SLC14A2: variants seen among roughly 807,000 people sequenced by gnomAD.
The protein encoded by SLC14A2 is solute carrier family 14 member 2.
In SLC14A2, 91 loss-of-function variants were observed where a neutral mutation model predicts 104.6. The observed-to-expected ratio is 0.87, with a 90% confidence interval of 0.73 to 1.04. The LOEUF (loss-of-function observed/expected upper bound fraction) is 1.04, where lower values mean the gene tolerates loss of function less well. Among genes scored for constraint, SLC14A2 ranks in the 50% least tolerant of loss-of-function variants. SLC14A2 has a pLI of 0.00. For missense variants in SLC14A2, 1,189 were observed against 1,156.0 expected, an observed-to-expected ratio of 1.03 and a Z score of -0.41; for synonymous variants, 476 against 466.4, an observed-to-expected ratio of 1.02 and a Z score of -0.27.
intron 2 of SLC14A2, among the ~76,000 whole-genome samples, chr18:45,554,135 A>G (rs1398837503): frequency 6.6e-6 from 1 of 152,214 alleles, no homozygotes; most frequent in East Asian, 1.9e-4. Context: ...TGGTAGAAGA[A>G]TTTGCAGGGT....
At chr18:45,339,385 T>C (rs532099644) in intron 1 of SLC14A2, among the ~76,000 whole-genome samples, 68 of 152,350 alleles carry the variant, frequency 4.5e-4, no homozygotes, top group African/African-American at 1.5e-3. Flanking sequence ...ACAAAGCCAC[T>C]GGTCATAACG....
intron 2 of SLC14A2, among the ~76,000 whole-genome samples, chr18:45,599,353 T>C (rs1163473526): frequency 1.3e-5 from 2 of 152,242 alleles, no homozygotes; most frequent in African/African-American, 4.8e-5. Flanking sequence ...TCACAGCGGA[T>C]GTGGCCATAT....
chr18:45,612,251 G>C (rs1490661931), upstream of SLC14A2, among the ~76,000 whole-genome samples: 1 of 152,220 alleles, frequency 6.6e-6, no homozygotes, highest in East Asian at 1.9e-4. Flanking sequence ...GTGGGAAAGA[G>C]CAAGGATGGC....
chr18:45,276,341 A>T (rs113337539), intron 1 of SLC14A2, among the ~76,000 whole-genome samples: 1 of 152,266 alleles, frequency 6.6e-6, no homozygotes, highest in Non-Finnish European at 1.5e-5. Context: ...TTACTATAAC[A>T]GAGGTGTGTA....
the SLC14A2 span, among the ~76,000 whole-genome samples, chr18:45,185,503 T>C: frequency 3.9e-5 from 6 of 152,194 alleles, 2 homozygotes; most frequent in South Asian, 1.0e-3. Flanking sequence ...CTCAGTCTGA[T>C]GAAAGGCATC....
Position 45,627,743 on chromosome 18 carries a change from T to C in SLC14A2, c.521+596T>C, listed in dbSNP as rs543262749. 3.7e-4 allele frequency among the ~76,000 whole-genome samples: 57 copies of C among 152,178 alleles called. 1 individual carries two copies. The highest frequency in any genetic ancestry group is 1.7e-3 in the East Asian group (9 of 5,168). The stretch of plus-strand genomic sequence containing the variant: ...AATAACAAGGGCCAGGCACGGTGGC[T>C]CACGCCTACAATCTCAGCACTTTGG... On this transcript the variant is annotated intron_variant, in intron 4 of 19. Coordinates refer to ENST00000255226, the MANE Select transcript of SLC14A2 (RefSeq NM_007163.4).
intron 2 of SLC14A2, among the ~76,000 whole-genome samples, chr18:45,593,887 C>T (rs1033313060): frequency 2.0e-5 from 3 of 152,128 alleles, no homozygotes; most frequent in African/African-American, 7.2e-5. Flanking sequence ...AAAAAATATA[C>T]AATACAACTC....
chr18:45,533,545 T>G (rs1338362661), intron 2 of SLC14A2, among the ~76,000 whole-genome samples: 2 of 152,210 alleles, frequency 1.3e-5, no homozygotes, highest in Non-Finnish European at 2.9e-5. Context: ...GGTGGTGATA[T>G]CCCCTTTGTC....
At chr18:45,635,866 A>C (rs2045409731) in intron 5 of SLC14A2, among the ~76,000 whole-genome samples, 1 of 152,266 alleles carries the variant, frequency 6.6e-6, no homozygotes, top group Non-Finnish European at 1.5e-5. Context: ...TTAGATCCAA[A>C]GAACAGGGAA....
chr18:45,239,060 G>C (rs2084284750), intron 1 of SLC14A2, among the ~76,000 whole-genome samples: 1 of 152,174 alleles, frequency 6.6e-6, no homozygotes, highest in South Asian at 2.1e-4. Context: ...TGCATATGTT[G>C]AAAGAAAGTT....
chr18:45,255,415 C>T (rs1299030772), intron 1 of SLC14A2, among the ~76,000 whole-genome samples: 3 of 152,186 alleles, frequency 2.0e-5, no homozygotes, highest in Non-Finnish European at 2.9e-5. Flanking sequence ...AAAGGGAGAG[C>T]GCATTTGTGT....
At chr18:45,294,548 A>G (rs1225287177) in intron 1 of SLC14A2, among the ~76,000 whole-genome samples, 1 of 152,258 alleles carries the variant, frequency 6.6e-6, no homozygotes, top group Non-Finnish European at 1.5e-5. Context: ...TGTATAAAAG[A>G]TAACTAATAT....
At chr18:45,620,547 A>C (rs1482304077) in intron 1 of SLC14A2, among the ~76,000 whole-genome samples, 1 of 152,216 alleles carries the variant, frequency 6.6e-6, no homozygotes, top group Non-Finnish European at 1.5e-5. Context: ...ATAATAATAA[A>C]GGGATTTTTA....
At chr18:45,665,233 G>C (rs1599146305) in intron 11 of SLC14A2, among the ~76,000 whole-genome samples, 1 of 152,154 alleles carries the variant, frequency 6.6e-6, no homozygotes, top group South Asian at 2.1e-4. Flanking sequence ...CGGGGGAACA[G>C]GCAATTCAGT....
chr18:45,343,283 A>G (rs1048044623), intron 1 of SLC14A2, among the ~76,000 whole-genome samples: 1 of 152,014 alleles, frequency 6.6e-6, no homozygotes. Flanking sequence ...TGAGTCCCAC[A>G]GAGGAGATGT....
intron 1 of SLC14A2, among the ~76,000 whole-genome samples, chr18:45,310,654 G>A (rs1445839413): frequency 6.6e-6 from 1 of 152,250 alleles, no homozygotes; most frequent in Admixed American, 6.5e-5. Flanking sequence ...GACAGAAAAA[G>A]TGGGTTTACA....
In SLC14A2 at chr18:45,242,366, C is replaced by T. The variant is rs139697857; in HGVS notation, c.-125+29175C>T. On this transcript the variant is annotated intron_variant, in intron 1 of 20. Transcript: ENST00000586448. ...AGTCAATATAAATTCAATAATGTCA[C>T]GTCAGTCAAAGGCGGCAGAGCAGCC... Among the ~76,000 whole-genome samples the T allele has an allele frequency of 5.0e-3, 760 of 152,232 alleles. 9 individuals carry two copies. Among genetic ancestry groups the T allele is most frequent in the African/African-American group, 0.017 (724 of 41,536 alleles).
upstream of SLC14A2, among the ~76,000 whole-genome samples, chr18:45,612,772 G>C (rs1599064881): frequency 6.6e-6 from 1 of 152,180 alleles, no homozygotes; most frequent in Non-Finnish European, 1.5e-5. Context: ...GTCGGACCCA[G>C]TAGGAGGTGA....
chr18:45,342,447 G>T (rs1412350158), intron 1 of SLC14A2, among the ~76,000 whole-genome samples: 1 of 152,152 alleles, frequency 6.6e-6, no homozygotes, highest in Non-Finnish European at 1.5e-5. Flanking sequence ...AGGATGTGTG[G>T]TTTAAAGTCA....
Sources: gnomAD v4.1 joint callset for allele counts (sites outside exome capture counted in the v4.1 genomes callset) on GRCh38, gnomAD v4.1.1 for gene constraint, MANE v1.5 for transcripts, NCBI Gene and HGNC (gene_info 2026-07-23, HGNC 2026-07-21) for gene names.